Variants in NFIB observed in about 807,000 individuals in gnomAD.
NFIB encodes nuclear factor 1 B-type.
NFIB carries 11 observed loss-of-function variants against 61.5 expected under a neutral mutation model. The ratio of observed to expected loss-of-function variants is 0.18; its 90% CI spans 0.11 to 0.30. The LOEUF is 0.30. NFIB is among the 10% of genes least tolerant of loss of function. The pLI, the probability that NFIB is intolerant of heterozygous loss-of-function variation, is 1.00. For synonymous variants in NFIB, 260 were observed against 216.5 expected, an observed-to-expected ratio of 1.20 and a Z score of -1.76; for missense variants, 471 against 608.9, an observed-to-expected ratio of 0.77 and a Z score of 2.38.
intron 1 of NFIB, among the ~76,000 whole-genome samples, chr9:14,339,965 G>A (rs555047731): frequency 2.0e-5 from 3 of 152,300 alleles, no homozygotes; most frequent in Non-Finnish European, 2.9e-5. Context: ...TAAGAATTTA[G>A]GAATGCACCG....
chr9:14,225,543 G>A (rs1332536884), intron 2 of NFIB, among the ~76,000 whole-genome samples: 1 of 151,262 alleles, frequency 6.6e-6, no homozygotes, highest in Non-Finnish European at 1.5e-5. Context: ...GTGCTGAAAT[G>A]AAGTGATGGA....
intron 7 of NFIB, among the ~76,000 whole-genome samples, chr9:14,123,767 T>C (rs2039259536): frequency 6.6e-6 from 1 of 151,850 alleles, no homozygotes; most frequent in Non-Finnish European, 1.5e-5. Flanking sequence ...TCCTCTTAGT[T>C]TGCCCCTCTG....
At chr9:14,403,477 T>C (rs1377361977), upstream of NFIB, among the ~76,000 whole-genome samples, 2 of 152,152 alleles carry the variant, frequency 1.3e-5, no homozygotes, top group African/African-American at 4.8e-5. Context: ...TAAATCTAAG[T>C]TATACTGGAA....
At chr9:14,164,349 T>C (rs2044539796) in intron 3 of NFIB, among the ~76,000 whole-genome samples, 1 of 152,050 alleles carries the variant, frequency 6.6e-6, no homozygotes, top group South Asian at 2.1e-4. Flanking sequence ...TATAACCTAC[T>C]ACACACCTAG....
chr9:14,305,882 C>A, intron 2 of NFIB: 1 of 767,238 alleles, frequency 1.3e-6, no homozygotes, highest in Non-Finnish European at 1.8e-6. Context: ...TTGGAAATGA[C>A]CTACCATCTG....
the NFIB span, among the ~76,000 whole-genome samples, chr9:14,511,147 C>G: frequency 2.0e-5 from 3 of 152,094 alleles, no homozygotes; most frequent in Non-Finnish European, 4.4e-5. Context: ...AGCAATGCTT[C>G]TTTATCTTTC....
chr9:14,339,267 A>C (rs776512375), intron 1 of NFIB, among the ~76,000 whole-genome samples: 8 of 152,222 alleles, frequency 5.3e-5, no homozygotes, highest in Non-Finnish European at 1.0e-4. Context: ...GGCTATTATT[A>C]CTATTATTGT....
intron 2 of NFIB, chr9:14,204,251 T>C: frequency 4.9e-6 from 3 of 616,810 alleles, no homozygotes; most frequent in Non-Finnish European, 8.6e-6. Flanking sequence ...GCCCAAGATG[T>C]GGAAAGGAAA....
intron 2 of NFIB, among the ~76,000 whole-genome samples, chr9:14,257,311 T>C (rs978472673): frequency 6.6e-6 from 1 of 152,160 alleles, no homozygotes; most frequent in Non-Finnish European, 1.5e-5. Context: ...ACTGCACAGC[T>C]GAAAAAAACT....
chr9:14,459,531 CT>C, the NFIB span, among the ~76,000 whole-genome samples: 2 of 152,066 alleles, frequency 1.3e-5, no homozygotes, highest in Admixed American at 1.3e-4. Flanking sequence ...TCTAATTAAA[CT>C]AAAGAGCTTC....
At chr9:14,207,402 G>A (rs2049852716) in intron 2 of NFIB, among the ~76,000 whole-genome samples, 1 of 151,098 alleles carries the variant, frequency 6.6e-6, no homozygotes, top group Admixed American at 6.6e-5. Flanking sequence ...TCCCTTGAGT[G>A]GAGGCCACTG....
At chr9:14,188,516 A>C (rs1458319853) in intron 2 of NFIB, among the ~76,000 whole-genome samples, 7 of 152,210 alleles carry the variant, frequency 4.6e-5, no homozygotes, top group Non-Finnish European at 7.3e-5. Flanking sequence ...TTTCTTTTCG[A>C]ATTTTATGAA....
At chr9:14,169,629 T>C (rs2045339111) in intron 3 of NFIB, among the ~76,000 whole-genome samples, 1 of 152,178 alleles carries the variant, frequency 6.6e-6, no homozygotes, top group South Asian at 2.1e-4. Context: ...AAGACCAGCC[T>C]GGCCAACATG....
At chr9:14,298,386 A>C (rs1311844603) in intron 2 of NFIB, among the ~76,000 whole-genome samples, 1 of 152,200 alleles carries the variant, frequency 6.6e-6, no homozygotes, top group Non-Finnish European at 1.5e-5. Context: ...GTAATTATTA[A>C]AGAAACCATA....
chr9:14,144,730 G>C (rs2042105203), intron 6 of NFIB, among the ~76,000 whole-genome samples: 1 of 152,196 alleles, frequency 6.6e-6, no homozygotes, highest in Non-Finnish European at 1.5e-5. Flanking sequence ...GGTGTTGACA[G>C]AGAAAACTAG....
At position 14,373,482 on chromosome 9, in the gene NFIB, C is replaced by CT. The variant is rs565542932; in HGVS notation, c.108+25041dup. On this transcript the variant is annotated intron_variant, in intron 1 of 8. Transcript: ENST00000380934. ...GTCTTAAGGATTCTTTTCTCTAAAT[C>CT]TTTTTGAATTATTGTTTTAGACTCA... is the stretch of plus-strand genomic sequence containing the variant. Among the ~76,000 whole-genome samples the CT allele has an allele frequency of 3.4e-3, 515 of 152,026 alleles. 2 individuals are homozygous for CT. Among genetic ancestry groups the CT allele is most frequent in the Non-Finnish European group, 5.8e-3 (395 of 67,976 alleles).
At chr9:14,407,306 G>C in the NFIB span, among the ~76,000 whole-genome samples, 1 of 152,144 alleles carries the variant, frequency 6.6e-6, no homozygotes, top group African/African-American at 2.4e-5. Context: ...CAATAATAAA[G>C]TCCATAATAG....
At chr9:14,202,800 C>T (rs1176362942) in intron 2 of NFIB, among the ~76,000 whole-genome samples, 1 of 152,176 alleles carries the variant, frequency 6.6e-6, no homozygotes, top group Non-Finnish European at 1.5e-5. Context: ...AAATCACCTT[C>T]ACAATGTCAA....
chr9:14,270,400 T>C (rs1322992), intron 2 of NFIB, among the ~76,000 whole-genome samples: 146,584 of 152,036 alleles, frequency 0.96, 70,717 homozygotes, highest in East Asian at 0.99. Context: ...TCTGTGCACA[T>C]GCTAATTTGA....
Sources: gnomAD v4.1 joint callset for allele counts (sites outside exome capture counted in the v4.1 genomes callset) on GRCh38, gnomAD v4.1.1 for gene constraint, MANE v1.5 for transcripts, NCBI Gene and HGNC (gene_info 2026-07-23, HGNC 2026-07-21) for gene names.